Variants in SDHC observed in about 807,000 individuals in gnomAD.
The protein encoded by SDHC is succinate dehydrogenase complex subunit C.
SDHC carries 11 observed loss-of-function variants against 22.6 expected under a neutral mutation model. The observed-to-expected ratio is 0.49, with a 90% CI of 0.31 to 0.81. SDHC has a LOEUF of 0.81. Among genes scored for constraint, SDHC ranks in the 30% least tolerant of loss-of-function variants. The pLI is 0.05. For synonymous variants in SDHC, 80 were observed against 77.8 expected (o/e 1.03, Z -0.15); for missense variants, 160 against 212.0 (o/e 0.75, Z 1.52).
At chr1:161,341,447 C>T (rs566540325) in intron 4 of SDHC, among the ~76,000 whole-genome samples, 1 of 152,146 alleles carries the variant, frequency 6.6e-6, no homozygotes, top group Non-Finnish European at 1.5e-5. Context: ...ATATACTGGT[C>T]TTAGATAATT....
chr1:161,344,462 G>GA (rs5778205), intron 4 of SDHC, among the ~76,000 whole-genome samples: 17,485 of 146,310 alleles, frequency 0.12, 1,382 homozygotes, highest in African/African-American at 0.22. Context: ...TCAAAAAAAA[G>GA]AAAAAAAAAA....
At chr1:161,327,722 C>T (rs780963173) in intron 2 of SDHC, among the ~76,000 whole-genome samples, 5 of 151,676 alleles carry the variant, frequency 3.3e-5, no homozygotes, top group South Asian at 4.2e-4. Context: ...CCAACACACC[C>T]GGCTAATTTT....
At chr1:161,334,950 C>T (rs914692141) in intron 3 of SDHC, among the ~76,000 whole-genome samples, 9 of 152,252 alleles carry the variant, frequency 5.9e-5, no homozygotes, top group Admixed American at 1.3e-4. Context: ...CTATCTAAAC[C>T]GTAGGTCCCA....
chr1:161,335,203 T>G (rs1430788082), intron 3 of SDHC, among the ~76,000 whole-genome samples: 3 of 152,196 alleles, frequency 2.0e-5, no homozygotes, highest in Non-Finnish European at 4.4e-5. Context: ...CTTCTGTCAG[T>G]ACATTGTATC....
chr1:161,320,992 A>C (rs1670816788), intron 1 of SDHC, among the ~76,000 whole-genome samples: 1 of 151,770 alleles, frequency 6.6e-6, no homozygotes, highest in Non-Finnish European at 1.5e-5. Flanking sequence ...ACGCCCAGCT[A>C]ATTTTTGTAC....
chr1:161,350,644 T>C (rs754204357), intron 4 of SDHC, among the ~76,000 whole-genome samples: 44 of 152,254 alleles, frequency 2.9e-4, no homozygotes, highest in Middle Eastern at 3.4e-3. Flanking sequence ...CGGAATGTGA[T>C]TGAAATTAAG....
At chr1:161,359,458 A>G (rs773859672) in intron 5 of SDHC, among the ~76,000 whole-genome samples, 1 of 152,222 alleles carries the variant, frequency 6.6e-6, no homozygotes, top group East Asian at 1.9e-4. Flanking sequence ...GGACATTTCC[A>G]TTAATGACTT....
chr1:161,314,468 G>C (rs1403330463), intron 1 of SDHC, 43 bp downstream of exon 1: 1 of 1,609,970 alleles, frequency 6.2e-7, no homozygotes, highest in Non-Finnish European at 8.5e-7. Flanking sequence ...CGGCCCTCCG[G>C]AGATCTGAAC....
intron 4 of SDHC, among the ~76,000 whole-genome samples, chr1:161,343,882 G>T (rs58932666): frequency 0.013 from 1,926 of 152,172 alleles, 43 homozygotes; most frequent in African/African-American, 0.042. Context: ...ATATTCATTT[G>T]TATTCATGGC....
intron 3 of SDHC, among the ~76,000 whole-genome samples, chr1:161,337,088 C>T (rs1412521550): frequency 1.3e-5 from 2 of 149,746 alleles, no homozygotes; most frequent in African/African-American, 4.9e-5. Flanking sequence ...GCCATCTTGC[C>T]CAGGCTGGTC....
At chr1:161,339,453 G>C (rs1671626182) in intron 3 of SDHC, 5 of 501,006 alleles carry the variant, frequency 1.0e-5, no homozygotes, top group South Asian at 9.3e-5. Context: ...AAAGTACTAG[G>C]ATTACAGGTG....
chr1:161,332,000 G>A (rs1439169867), intron 3 of SDHC, among the ~76,000 whole-genome samples: 1 of 151,772 alleles, frequency 6.6e-6, no homozygotes, highest in Admixed American at 6.6e-5. Context: ...TAAGAGACAG[G>A]GTTTCACTGT....
intron 5 of SDHC, among the ~76,000 whole-genome samples, chr1:161,359,110 A>G (rs1672402629): frequency 6.6e-6 from 1 of 151,804 alleles, no homozygotes; most frequent in South Asian, 2.1e-4. Context: ...AAAAAAAAAA[A>G]GAAAAGATTT....
At chr1:161,357,790 A>T (rs954327132) in intron 5 of SDHC, among the ~76,000 whole-genome samples, 7 of 152,228 alleles carry the variant, frequency 4.6e-5, no homozygotes, top group African/African-American at 1.7e-4. Context: ...GTACCTATTT[A>T]TGTGTCAGGT....
At chr1:161,317,539 G>C in intron 1 of SDHC, among the ~76,000 whole-genome samples, 1 of 137,320 alleles carries the variant, frequency 7.3e-6, no homozygotes, top group African/African-American at 2.7e-5. Context: ...TTGTGTGTGT[G>C]TGTGTGTGTG....
At chr1:161,319,554 C>G (rs926450645) in intron 1 of SDHC, among the ~76,000 whole-genome samples, 2 of 151,170 alleles carry the variant, frequency 1.3e-5, no homozygotes, top group Admixed American at 6.6e-5. Context: ...TCAAGTGATT[C>G]TCCTACCTCA....
At chr1:161,325,447 A>G (rs1671016543) in intron 2 of SDHC, among the ~76,000 whole-genome samples, 1 of 152,108 alleles carries the variant, frequency 6.6e-6, no homozygotes, top group Non-Finnish European at 1.5e-5. Context: ...TCGGAGGCTG[A>G]GGTGGGCGGA....
At position 161,316,587 on chromosome 1, in the gene SDHC, CTCTT is replaced by C. The variant is rs982223127; in HGVS notation, c.20+2168_20+2171del. On this transcript the variant is annotated intron_variant, in intron 1 of 5. Coordinates refer to ENST00000367975, the MANE Select transcript of SDHC (RefSeq NM_003001.5). Reference sequence around the variant, plus strand: ...TACGGACACCTTAACAATCTGATCTCTCTTTCTTTTCCCCATAGTCCACACTAGG... The same window carrying C: ...TACGGACACCTTAACAATCTGATCTCTCTTTTCCCCATAGTCCACACTAGG... Among the ~76,000 whole-genome samples, 22 of 152,322 alleles carry C rather than the reference CTCTT, an allele frequency of 1.4e-4. No homozygotes were observed. The East Asian group carries it at 3.3e-3, about 23-fold the overall frequency.
chr1:161,356,931 T>C, intron 5 of SDHC, 91 bp downstream of exon 5: 1 of 1,352,282 alleles, frequency 7.4e-7, no homozygotes, highest in Non-Finnish European at 1.0e-6. Flanking sequence ...TTAGTGCTGT[T>C]CTTTTTTTTT....
Sources: allele counts gnomAD v4.1 joint callset (sites outside exome capture counted in the v4.1 genomes callset), GRCh38; gene constraint gnomAD v4.1.1; transcripts MANE v1.5; gene names NCBI Gene and HGNC (gene_info 2026-07-23, HGNC 2026-07-21).